The following ITGAV variants were observed in gnomAD, a reference collection of about 807,000 sequenced individuals.
ITGAV encodes integrin subunit alpha V.
In ITGAV, 76 loss-of-function variants were observed where a neutral mutation model predicts 143.8. The observed-to-expected ratio is 0.53, with a 90% CI of 0.44 to 0.64. The LOEUF is 0.64. ITGAV is among the 30% of genes least tolerant of loss of function. The pLI is 0.00. For synonymous variants in ITGAV, 453 were observed against 446.7 expected, an observed-to-expected ratio of 1.01 and a Z score of -0.18; for missense variants, 1,193 against 1,274.7, an observed-to-expected ratio of 0.94 and a Z score of 0.98.
At chr2:186,618,021 G>C (rs938632607) in intron 2 of ITGAV, among the ~76,000 whole-genome samples, 1 of 152,160 alleles carries the variant, frequency 6.6e-6, no homozygotes, top group Non-Finnish European at 1.5e-5. Context: ...CTTCACTCAT[G>C]TGCCTCAGGA....
At chr2:186,613,811 A>G (rs1194978664) in intron 2 of ITGAV, among the ~76,000 whole-genome samples, 5 of 152,146 alleles carry the variant, frequency 3.3e-5, no homozygotes, top group Admixed American at 2.0e-4. Flanking sequence ...CAACGAAATC[A>G]TTAACCACCA....
At position 186,649,898 on chromosome 2, in the gene ITGAV, T is replaced by G. The variant is rs1036179082; in HGVS notation, c.1397+13T>G. ...CTATCTTATACAGGTGAGCATTTTC[T>G]GTATCCTGCGGTATAGGAATATTCT... On this transcript the variant is annotated intron_variant, in intron 14 of 29. Coordinates refer to ENST00000261023, the MANE Select transcript of ITGAV (RefSeq NM_002210.5). The G allele has an allele frequency of 1.3e-6, 2 of 1,545,436 alleles. No individual in the cohort carries two copies. Among genetic ancestry groups the G allele is most frequent in the Non-Finnish European group, 1.8e-6 (2 of 1,134,678 alleles).
chr2:186,665,049 G>A, intron 20 of ITGAV, 77 bp from the exon 21 acceptor site: 2 of 966,488 alleles, frequency 2.1e-6, no homozygotes, highest in South Asian at 1.5e-5. Flanking sequence ...CTTAGGACAA[G>A]AAACTGAAAT....
chr2:186,610,734 A>G (rs1446924422), intron 2 of ITGAV, among the ~76,000 whole-genome samples: 2 of 152,208 alleles, frequency 1.3e-5, no homozygotes, highest in African/African-American at 2.4e-5. Flanking sequence ...TCTTTGTTTT[A>G]GTCTAAGATG....
At chr2:186,630,073 G>A (rs762827618) in intron 4 of ITGAV, among the ~76,000 whole-genome samples, 3 of 151,946 alleles carry the variant, frequency 2.0e-5, no homozygotes, top group Non-Finnish European at 2.9e-5. Context: ...TTAGATCTCC[G>A]TACTAAACGT....
Position 186,608,916 on chromosome 2 carries a change from A to T in ITGAV, c.316+6765A>T, listed in dbSNP as rs1403118520. ...AACAAAAGAACAACCAGTGGATTTT[A>T]TTGTTGCTGGTACTGCTATTGCTGA... On this transcript the variant is annotated intron_variant, in intron 2 of 29. Coordinates refer to ENST00000261023, the MANE Select transcript of ITGAV (RefSeq NM_002210.5). 2.6e-5 allele frequency among the ~76,000 whole-genome samples: 4 copies of T among 152,346 alleles called. No individual in the cohort carries two copies. The East Asian group carries it at 7.7e-4, about 29-fold the overall frequency.
At chr2:186,649,016 ATATATATACACATTTGTGTG>A (rs56354812) in intron 13 of ITGAV, among the ~76,000 whole-genome samples, 12,933 of 60,884 alleles carry the variant, frequency 0.21, 798 homozygotes, top group Non-Finnish European at 0.22. Flanking sequence ...ATTTGTGTGT[ATATATATACACATTTGTGTG>A]TATATATATA....
intron 26 of ITGAV, among the ~76,000 whole-genome samples, chr2:186,672,132 T>G (rs1407725609): frequency 6.6e-6 from 1 of 151,998 alleles, no homozygotes; most frequent in East Asian, 1.9e-4. Context: ...TTTTGTGTTT[T>G]TAGTAGAGAC....
At chr2:186,628,715 C>G (rs561496176) in intron 4 of ITGAV, among the ~76,000 whole-genome samples, 2 of 152,180 alleles carry the variant, frequency 1.3e-5, no homozygotes, top group African/African-American at 4.8e-5. Flanking sequence ...TTCTAAATTG[C>G]CTAGCCACTT....
chr2:186,629,400 G>A (rs976689632), intron 4 of ITGAV, among the ~76,000 whole-genome samples: 16 of 151,888 alleles, frequency 1.1e-4, no homozygotes, highest in Non-Finnish European at 1.9e-4. Flanking sequence ...TTCCCCAGAT[G>A]CAACTTGAAT....
chr2:186,678,963 A>G lies in ITGAV; in HGVS notation c.*1671A>G. The G allele has an allele frequency of 3.1e-6, 1 of 320,372 alleles. No homozygotes were observed. The highest frequency in any genetic ancestry group is 2.7e-5 in the South Asian group (1 of 37,084). The allele number at this position is 320,372 out of a possible 1,614,324, so 19.8% of individuals were successfully genotyped here. A position where few individuals can be genotyped will look rare whatever the true frequency, so the allele number is the denominator to read the frequency against. On this transcript the variant is annotated 3_prime_UTR_variant, in exon 30 of 30. Coordinates refer to ENST00000261023, the MANE Select transcript of ITGAV (RefSeq NM_002210.5). ...GGAGCACATTTAGTTGAGGTATACA[A>G]GGTAGGACTCTAGACAAAACCTTCT...
intron 5 of ITGAV, among the ~76,000 whole-genome samples, chr2:186,631,132 G>A (rs1331858602): frequency 6.6e-6 from 1 of 152,090 alleles, no homozygotes; most frequent in Non-Finnish European, 1.5e-5. Flanking sequence ...TAACTATTAT[G>A]ACTTAATATT....
chr2:186,676,762 TGATTAAGTCAATG>T, intron 28 of ITGAV, 38 bp from the exon 29 acceptor site: 1 of 1,557,972 alleles, frequency 6.4e-7, no homozygotes. Context: ...AGATATTTGT[TGATTAAGTCAATG>T]GACTGTTTTT....
intron 1 of ITGAV, among the ~76,000 whole-genome samples, chr2:186,598,422 C>T (rs942469731): frequency 6.8e-6 from 1 of 147,252 alleles, no homozygotes; most frequent in Non-Finnish European, 1.5e-5. Context: ...GGTGGGGACT[C>T]TCTTACTCAT....
intron 3 of ITGAV, 77 bp downstream of exon 3, chr2:186,622,507 G>C: frequency 1.0e-6 from 1 of 981,460 alleles, no homozygotes; most frequent in Non-Finnish European, 1.6e-6. Flanking sequence ...ATATTTTCAG[G>C]CTGATAGTAA....
In ITGAV at chr2:186,659,103, T is replaced by C; in HGVS notation, c.1785T>C (p.Tyr595=). 1 of 1,612,174 alleles carries C rather than the reference T, an allele frequency of 6.2e-7. No homozygotes were observed. Among genetic ancestry groups the C allele is most frequent in the East Asian group, 2.2e-5 (1 of 44,850 alleles). ...TTTTTATGGAATATCGGTTGGATTA[T>C]AGAACAGCTGCTGATACAACAGGCT... ...ITIFMEYRLD[Y]RTAADTTGLQ... Residue 595 remains tyrosine (Y), a synonymous_variant, in exon 18 of 30, where the codon TAT becomes TAC. Coordinates refer to ENST00000261023, the MANE Select transcript of ITGAV (RefSeq NM_002210.5).
rs201811787 is a variant in ITGAV at position 186,663,752 on chromosome 2, A to C, written c.1858-16A>C. ...TTGGTATTTTTCATGTAGAAAAATAAAATGTTTTTTTCTAGGCTCACATTC... is the reference window on the plus strand; with the variant it reads ...TTGGTATTTTTCATGTAGAAAAATACAATGTTTTTTTCTAGGCTCACATTC... On this transcript the variant is annotated splice_polypyrimidine_tract_variant and intron_variant, in intron 18 of 29. Transcript: ENST00000261023. 1.7e-4 allele frequency: 266 copies of C among 1,596,826 alleles called. No homozygotes were observed. Among genetic ancestry groups the C allele is most frequent in the Non-Finnish European group, 1.9e-4 (225 of 1,165,246 alleles).
intron 15 of ITGAV, among the ~76,000 whole-genome samples, chr2:186,652,390 A>G (rs1387515149): frequency 3.3e-5 from 5 of 152,074 alleles, no homozygotes; most frequent in Non-Finnish European, 7.4e-5. Context: ...GGGTCTCCCT[A>G]TATTGCTCAG....
chr2:186,656,797 G>A (rs1559062640), intron 17 of ITGAV, among the ~76,000 whole-genome samples: 1 of 152,124 alleles, frequency 6.6e-6, no homozygotes, highest in Non-Finnish European at 1.5e-5. Context: ...TGAAGCCTAA[G>A]GAGAGGGCAG....
Sources: gnomAD v4.1 joint callset for allele counts (sites outside exome capture counted in the v4.1 genomes callset) on GRCh38, gnomAD v4.1.1 for gene constraint, MANE v1.5 for transcripts, NCBI Gene and HGNC (gene_info 2026-07-23, HGNC 2026-07-21) for gene names.